The following CIMIP6 variants were observed in gnomAD, a reference collection of about 807,000 sequenced individuals.
CIMIP6 encodes the protein uncharacterized protein C2orf73.
At chr2:54,364,049 C>A in the CIMIP6 span, among the ~76,000 whole-genome samples, 1 of 152,200 alleles carries the variant, frequency 6.6e-6, no homozygotes, top group Non-Finnish European at 1.5e-5. Context: ...TGGTTCCTCA[C>A]AATGACTGAA....
chr2:54,335,103 T>A, the CIMIP6 span: 1 of 1,141,886 alleles, frequency 8.8e-7, no homozygotes, highest in Non-Finnish European at 1.2e-6. Context: ...TCACAGACTA[T>A]AAAGGATGAG....
the CIMIP6 span, among the ~76,000 whole-genome samples, chr2:54,347,798 G>GGC: frequency 2.0e-5 from 3 of 152,136 alleles, no homozygotes; most frequent in Non-Finnish European, 2.9e-5. Context: ...CCCTGCCTCA[G>GGC]AGGTATGTGA....
At chr2:54,332,484 C>A in the CIMIP6 span, among the ~76,000 whole-genome samples, 1 of 152,204 alleles carries the variant, frequency 6.6e-6, no homozygotes, top group East Asian at 1.9e-4. Context: ...TCTCATATCT[C>A]TTACAATAGG....
the CIMIP6 span, chr2:54,360,620 C>A: frequency 5.7e-6 from 8 of 1,411,790 alleles, no homozygotes; most frequent in Non-Finnish European, 6.5e-6. Flanking sequence ...TCACAATCAT[C>A]ATCTTGGCCC....
At chr2:54,363,029 A>G in the CIMIP6 span, among the ~76,000 whole-genome samples, 6 of 152,306 alleles carry the variant, frequency 3.9e-5, no homozygotes, top group East Asian at 3.9e-4. Flanking sequence ...TCCTCAGTAC[A>G]TAAGACTCTT....
the CIMIP6 span, among the ~76,000 whole-genome samples, chr2:54,382,191 C>T: frequency 2.0e-5 from 3 of 152,054 alleles, no homozygotes; most frequent in African/African-American, 7.2e-5. Flanking sequence ...ATATCAGTAC[C>T]ATTTGGGTAC....
the CIMIP6 span, chr2:54,361,144 A>G: frequency 6.6e-6 from 1 of 152,254 alleles, no homozygotes; most frequent in African/African-American, 2.4e-5. Flanking sequence ...TCATTATTCT[A>G]AAACTTAGAA....
the CIMIP6 span, chr2:54,343,935 G>A: frequency 7.4e-7 from 1 of 1,350,592 alleles, no homozygotes; most frequent in Non-Finnish European, 9.8e-7. Context: ...CCAAAACTAA[G>A]ATGTATTAGA....
chr2:54,362,328 A>T, the CIMIP6 span, among the ~76,000 whole-genome samples: 2 of 152,246 alleles, frequency 1.3e-5, no homozygotes, highest in African/African-American at 4.8e-5. Flanking sequence ...TGGAGATAAA[A>T]GAATTAAAAC....
the CIMIP6 span, among the ~76,000 whole-genome samples, chr2:54,379,473 T>C: frequency 3.9e-5 from 6 of 152,170 alleles, no homozygotes; most frequent in African/African-American, 1.4e-4. Flanking sequence ...ATCAGATTCT[T>C]GGGGATGAGG....
the CIMIP6 span, among the ~76,000 whole-genome samples, chr2:54,382,552 C>T: frequency 6.6e-6 from 1 of 152,132 alleles, no homozygotes; most frequent in African/African-American, 2.4e-5. Flanking sequence ...GAAATATCCT[C>T]TCCAGTATCT....
chr2:54,352,172 T>A, the CIMIP6 span, among the ~76,000 whole-genome samples: 35 of 152,226 alleles, frequency 2.3e-4, no homozygotes, highest in Non-Finnish European at 1.0e-4. Flanking sequence ...TAACTTTCTT[T>A]GCTTTCTCAT....
chr2:54,352,928 A>C, the CIMIP6 span, among the ~76,000 whole-genome samples: 1 of 152,200 alleles, frequency 6.6e-6, no homozygotes, highest in Non-Finnish European at 1.5e-5. Flanking sequence ...CACCAACTGT[A>C]CATTAGATCT....
At chr2:54,349,637 G>A in the CIMIP6 span, among the ~76,000 whole-genome samples, 2 of 152,144 alleles carry the variant, frequency 1.3e-5, no homozygotes, top group Non-Finnish European at 2.9e-5. Context: ...CTTAAGTAGA[G>A]TAACCACTAA....
chr2:54,335,872 G>A, the CIMIP6 span, among the ~76,000 whole-genome samples: 6 of 152,010 alleles, frequency 3.9e-5, no homozygotes. Context: ...CTTGGTTTAT[G>A]GCGCCTTTTT....
chr2:54,371,333 A>T, the CIMIP6 span, among the ~76,000 whole-genome samples: 2 of 152,212 alleles, frequency 1.3e-5, no homozygotes, highest in Non-Finnish European at 2.9e-5. Flanking sequence ...ACTGGGGCTG[A>T]CACCCTTCAC....
At chr2:54,354,648 A>T in the CIMIP6 span, among the ~76,000 whole-genome samples, 2 of 152,048 alleles carry the variant, frequency 1.3e-5, no homozygotes, top group African/African-American at 4.8e-5. Flanking sequence ...ATTGTAGAGA[A>T]ATGCTCTTGA....
the CIMIP6 span, among the ~76,000 whole-genome samples, chr2:54,366,305 A>C: frequency 6.6e-6 from 1 of 152,226 alleles, no homozygotes; most frequent in African/African-American, 2.4e-5. Flanking sequence ...CTTGCTTAAA[A>C]TGGAGAAGCA....
the CIMIP6 span, among the ~76,000 whole-genome samples, chr2:54,347,816 C>G: frequency 6.6e-6 from 1 of 152,154 alleles, no homozygotes; most frequent in African/African-American, 2.4e-5. Context: ...TGATGCCTCC[C>G]GATTCCCAGG....
Sources: allele counts gnomAD v4.1 joint callset (sites outside exome capture counted in the v4.1 genomes callset), GRCh38; gene constraint gnomAD v4.1.1; transcripts MANE v1.5; gene names NCBI Gene and HGNC (gene_info 2026-07-23, HGNC 2026-07-21).